Variants in KMT5B observed in about 807,000 individuals in gnomAD.
KMT5B encodes the protein histone-lysine N-methyltransferase KMT5B.
In KMT5B, 10 loss-of-function variants were observed where a neutral mutation model predicts 83.2. That is an observed-to-expected ratio of 0.12 (90% CI 0.07 to 0.20). The LOEUF (loss-of-function observed/expected upper bound fraction) is 0.20. KMT5B is among the 10% of genes least tolerant of loss of function. The pLI, the probability that KMT5B is intolerant of heterozygous loss-of-function variation, is 1.00. For missense variants in KMT5B, 753 were observed against 1,067.2 expected (o/e 0.71, Z 4.10); for synonymous variants, 349 against 388.8 (o/e 0.90, Z 1.20).
At chr11:68,159,783 C>A (rs1565215190) in intron 10 of KMT5B, among the ~76,000 whole-genome samples, 1 of 152,204 alleles carries the variant, frequency 6.6e-6, no homozygotes, top group Non-Finnish European at 1.5e-5. Flanking sequence ...CTAAGTTGTC[C>A]CCTTCAACTC....
chr11:68,171,756 A>C lies in KMT5B; in HGVS notation c.654-47T>G. On this transcript the variant is annotated intron_variant, in intron 6 of 10. Coordinates refer to ENST00000304363, the MANE Select transcript of KMT5B (RefSeq NM_017635.5). The surrounding 1 kb of genome is among the most constrained non-coding windows in gnomAD (Gnocchi z 5.1). ...TTAAAAATTACTAGTAATTAAATAT[A>C]GTAAGGCTTCTTTTAATAAAATAAT... is the stretch of plus-strand genomic sequence containing the variant. The C allele has an allele frequency of 7.2e-7, 1 of 1,392,786 alleles. No homozygotes were observed. Among genetic ancestry groups the C allele is most frequent in the Non-Finnish European group, 1.0e-6 (1 of 1,000,070 alleles). The allele number at this position is 1,392,786 out of a possible 1,614,324, so 86.3% of individuals were successfully genotyped here.
At chr11:68,182,469 TG>T (rs1023873631) in intron 3 of KMT5B, among the ~76,000 whole-genome samples, 7 of 152,228 alleles carry the variant, frequency 4.6e-5, no homozygotes, top group African/African-American at 2.4e-5. Flanking sequence ...TGCTTCCTTT[TG>T]TTTTTTAATA....
In KMT5B at chr11:68,189,993, A is replaced by G; in HGVS notation, c.84T>C (p.Asn28=). The G allele has an allele frequency of 6.2e-7, 1 of 1,614,122 alleles. No homozygotes were observed. Among genetic ancestry groups the G allele is most frequent in the Non-Finnish European group, 8.5e-7 (1 of 1,180,012 alleles). ...GGKLSNDHQQ[N]QSKLQHTGKD... Reference sequence around the variant, plus strand: ...TCCCCGTGTGCTGTAATTTTGATTGATTCTGCTGATGGTCATTAGACAACT... The same window carrying G: ...TCCCCGTGTGCTGTAATTTTGATTGGTTCTGCTGATGGTCATTAGACAACT... Residue 28 remains asparagine, a synonymous_variant, in exon 2 of 11, where the codon AAT becomes AAC. Coordinates refer to ENST00000304363, the MANE Select transcript of KMT5B (RefSeq NM_017635.5).
At chr11:68,180,994 A>G (rs560741916) in intron 3 of KMT5B, among the ~76,000 whole-genome samples, 1 of 152,186 alleles carries the variant, frequency 6.6e-6, no homozygotes, top group African/African-American at 2.4e-5. Context: ...GTAAGGATAT[A>G]TTAAGATTAA....
intron 3 of KMT5B, among the ~76,000 whole-genome samples, chr11:68,185,409 T>G (rs1264314896): frequency 6.6e-6 from 1 of 152,220 alleles, no homozygotes; most frequent in Non-Finnish European, 1.5e-5. Context: ...GGTTTCACCA[T>G]GTTGGTCAGG....
intron 10 of KMT5B, among the ~76,000 whole-genome samples, chr11:68,160,834 C>A (rs1292702979): frequency 1.3e-5 from 2 of 152,172 alleles, no homozygotes; most frequent in African/African-American, 4.8e-5. Flanking sequence ...GTAATCCCAG[C>A]TACTGGGGAG....
chr11:68,181,295 G>C (rs1280837257), intron 3 of KMT5B, among the ~76,000 whole-genome samples: 1 of 151,968 alleles, frequency 6.6e-6, no homozygotes, highest in East Asian at 1.9e-4. Flanking sequence ...GGCTGGTGTC[G>C]AACACCTGAC....
At chr11:68,185,981 T>A (rs1857401045) in intron 2 of KMT5B, 53 bp from the exon 3 acceptor site, 1 of 1,511,598 alleles carries the variant, frequency 6.6e-7, no homozygotes, top group African/African-American at 1.4e-5. Flanking sequence ...TACTTAAATC[T>A]GCCTTAAAAT....
chr11:68,180,824 G>C (rs938138816), intron 3 of KMT5B, among the ~76,000 whole-genome samples: 3 of 152,124 alleles, frequency 2.0e-5, no homozygotes, highest in African/African-American at 7.2e-5. Flanking sequence ...AAAACCAGAG[G>C]TATAAACAAC....
Position 68,158,561 on chromosome 11 carries a change from T to G in KMT5B, c.1785A>C (p.Ala595=). Residue 595 remains alanine, a synonymous_variant, in exon 11 of 11, where the codon GCA becomes GCC. Coordinates refer to ENST00000304363, the MANE Select transcript of KMT5B (RefSeq NM_017635.5). The part of the protein sequence containing the change: ...LQEEELAHET[A]QKGEAKCHKS... ...TATGACACTTTGCCTCCCCTTTTTGTGCAGTCTCATGAGCCAGTTCTTCCT... is the reference window on the plus strand; with the variant it reads ...TATGACACTTTGCCTCCCCTTTTTGGGCAGTCTCATGAGCCAGTTCTTCCT... 6.2e-7 allele frequency: 1 copy of G among 1,614,208 alleles called. No homozygotes were observed. The highest frequency in any genetic ancestry group is 8.5e-7 in the Non-Finnish European group (1 of 1,180,036).
In KMT5B at chr11:68,158,485, T is replaced by C. The variant is rs745788625; in HGVS notation, c.1861A>G (p.Lys621Glu). 2 of 1,614,174 alleles carry C rather than the reference T, an allele frequency of 1.2e-6. No individual in the cohort carries two copies. The highest frequency in any genetic ancestry group is 1.7e-6 in the Non-Finnish European group (2 of 1,180,024). ...GATTCCTCTATTTTTGCAAACTGTT[T>C]CACAAGTTTTCCTTGTCGTGACTTC... ...KKKSRQGKLV[K>E]QFAKIEESTP... Residue 621 changes from lysine to glutamate, a missense_variant, in exon 11 of 11, where the codon AAA becomes GAA. This residue lies in a region of KMT5B where 397 missense variants were observed against 395.9 expected (regional missense o/e 1.00). Transcript: ENST00000304363.
chr11:68,160,156 C>T (rs1854729885), intron 10 of KMT5B, among the ~76,000 whole-genome samples: 2 of 152,130 alleles, frequency 1.3e-5, no homozygotes, highest in Admixed American at 6.5e-5. Flanking sequence ...TTTATGCTTA[C>T]GAGGCTTGCC....
chr11:68,205,622 T>TC (rs933694853), intron 1 of KMT5B, among the ~76,000 whole-genome samples: 1 of 147,436 alleles, frequency 6.8e-6, no homozygotes, highest in African/African-American at 2.6e-5. Flanking sequence ...CATTCGCAAT[T>TC]CTTTTTTTTT....
At chr11:68,194,421 G>A (rs1858468742) in intron 1 of KMT5B, among the ~76,000 whole-genome samples, 1 of 151,940 alleles carries the variant, frequency 6.6e-6, no homozygotes, top group Admixed American at 6.6e-5. Flanking sequence ...TTGAACTCCT[G>A]GCCACAAGCG....
chr11:68,158,767 A>T lies in KMT5B; in HGVS notation c.1579T>A (p.Ser527Thr). The T allele has an allele frequency of 6.2e-7, 1 of 1,614,154 alleles. No individual in the cohort carries two copies. The highest frequency in any genetic ancestry group is 8.5e-7 in the Non-Finnish European group (1 of 1,180,022). ...GTGCAGGGCGAGCTCTCCCCCTGCG[A>T]ATGAGCACCTCTCACAGGATTCTGT... is the stretch of plus-strand genomic sequence containing the variant. ...HRQNPVRGAH[S>T]QGESSPCTYI... Residue 527 changes from serine to threonine, a missense_variant, in exon 11 of 11, where the codon TCG becomes ACG. Physicochemically the swap from Ser to Thr is moderately conservative, Grantham distance 58. Coordinates refer to ENST00000304363, the MANE Select transcript of KMT5B (RefSeq NM_017635.5).
Position 68,202,419 on chromosome 11 carries a change from G to A in KMT5B, c.-77+10719C>T, listed in dbSNP as rs918978029. Among the ~76,000 whole-genome samples, 19 of 152,206 alleles carry A rather than the reference G, an allele frequency of 1.2e-4. No individual in the cohort carries two copies. In the East Asian group the frequency reaches 3.7e-3, roughly 29 times the overall value. On this transcript the variant is annotated intron_variant, in intron 1 of 10. Coordinates refer to ENST00000304363, the MANE Select transcript of KMT5B (RefSeq NM_017635.5). ...GTCCCTGCCCAACCCCACTTCTCCA[G>A]CTATATAGATTTCCTTGTTATACAT...
At chr11:68,208,624 T>A (rs1860478532) in intron 1 of KMT5B, among the ~76,000 whole-genome samples, 1 of 152,126 alleles carries the variant, frequency 6.6e-6, no homozygotes, top group Admixed American at 6.5e-5. Flanking sequence ...AACAGGATGT[T>A]AGGAGAGAGA....
At position 68,158,093 on chromosome 11, in the gene KMT5B, A is replaced by G. The variant is rs930665306; in HGVS notation, c.2253T>C (p.His751=). The change falls in exon 11 of 11, where the codon CAT becomes CAC. Residue 751 remains histidine, a synonymous_variant. Transcript: ENST00000304363. ...CTACATAGAGATTGTTATCGTTGTC[A>G]TGGTCTTTGCTTAACTTGATGCTTA... is the stretch of plus-strand genomic sequence containing the variant. ...SKISIKLSKD[H]DNDNNLYVAK... The G allele has an allele frequency of 6.2e-7, 1 of 1,614,160 alleles. No individual in the cohort carries two copies. Among genetic ancestry groups the G allele is most frequent in the Non-Finnish European group, 8.5e-7 (1 of 1,180,036 alleles).
At chr11:68,188,147 C>A (rs537950553) in intron 2 of KMT5B, among the ~76,000 whole-genome samples, 1 of 151,288 alleles carries the variant, frequency 6.6e-6, no homozygotes, top group South Asian at 2.1e-4. Context: ...GCCTCAGCCT[C>A]ACGAGTAGTT....
Sources: allele counts gnomAD v4.1 joint callset (sites outside exome capture counted in the v4.1 genomes callset), GRCh38; gene constraint gnomAD v4.1.1; regional missense constraint gnomAD v4.1.1; non-coding constraint Gnocchi (gnomAD v3.1); transcripts MANE v1.5; gene names NCBI Gene and HGNC (gene_info 2026-07-23, HGNC 2026-07-21).